ZZEF1: variants seen among roughly 807,000 people sequenced by gnomAD.
ZZEF1 encodes zinc finger ZZ-type and EF-hand domain containing 1.
ZZEF1 carries 157 observed loss-of-function variants against 342.8 expected under a neutral mutation model. The ratio of observed to expected loss-of-function variants is 0.46; its 90% CI spans 0.40 to 0.52. The LOEUF (loss-of-function observed/expected upper bound fraction) is 0.52, where lower values mean the gene tolerates loss of function less well. Among genes scored for constraint, ZZEF1 ranks in the 20% least tolerant of loss-of-function variants. The pLI is 0.00. For missense variants in ZZEF1, 3,480 were observed against 3,725.6 expected, an observed-to-expected ratio of 0.93 and a Z score of 1.72; for synonymous variants, 1,505 against 1,429.1, an observed-to-expected ratio of 1.05 and a Z score of -1.20.
At chr17:4,035,478 G>A (rs781830) in intron 39 of ZZEF1, among the ~76,000 whole-genome samples, 12,481 of 152,134 alleles carry the variant, frequency 0.082, 1,701 homozygotes, top group African/African-American at 0.28. Context: ...AACCCAAGCA[G>A]GGTATGGAAT....
chr17:4,070,649 C>T, intron 26 of ZZEF1, 35 bp downstream of exon 26: 1 of 1,596,926 alleles, frequency 6.3e-7, no homozygotes, highest in Non-Finnish European at 8.5e-7. Flanking sequence ...AGCAATTAGC[C>T]TTCAGATCAA....
chr17:4,135,395 G>C (rs2058731922), intron 1 of ZZEF1, among the ~76,000 whole-genome samples: 2 of 152,062 alleles, frequency 1.3e-5, no homozygotes, highest in Admixed American at 1.3e-4. Context: ...AGAATTCCTT[G>C]AACCTGGGAG....
At chr17:4,057,461 G>A (rs969009423) in intron 32 of ZZEF1, among the ~76,000 whole-genome samples, 2 of 152,186 alleles carry the variant, frequency 1.3e-5, no homozygotes, top group Non-Finnish European at 2.9e-5. Context: ...CCACGAATAG[G>A]GAAGTGGATT....
Position 4,142,675 on chromosome 17 carries a change from G to C in ZZEF1, c.221C>G (p.Ser74Trp), listed in dbSNP as rs769097869. 8.1e-6 allele frequency: 13 copies of C among 1,606,960 alleles called. 1 individual carries two copies. Among genetic ancestry groups the C allele is most frequent in the Middle Eastern group, 1.7e-4 (1 of 6,056 alleles). Residue 74 changes from serine (S) to tryptophan (W), a missense_variant, in exon 1 of 55, where the codon TCG becomes TGG. Coordinates refer to ENST00000381638, the MANE Select transcript of ZZEF1 (RefSeq NM_015113.4). ...GCGAAACAACGCGCCGCGATGCCTC[G>C]ACACCAGCGACTCGCAGGGGGGTGT... ...LPTPPCESLV[S>W]RHRGALFRWL... is the part of the protein sequence containing the mutation.
intron 2 of ZZEF1, among the ~76,000 whole-genome samples, chr17:4,123,477 G>A (rs1044793272): frequency 6.6e-6 from 1 of 151,710 alleles, no homozygotes; most frequent in Non-Finnish European, 1.5e-5. Flanking sequence ...GCAAATGTGA[G>A]GACAGAGCAG....
At chr17:4,120,181 A>AC (rs1219525822) in intron 2 of ZZEF1, among the ~76,000 whole-genome samples, 1 of 151,932 alleles carries the variant, frequency 6.6e-6, no homozygotes, top group Non-Finnish European at 1.5e-5. Flanking sequence ...ACATGATGAA[A>AC]CCCCATCTCC....
chr17:4,072,921 C>T, intron 24 of ZZEF1, 165 bp from the exon 25 acceptor site: 1 of 650,150 alleles, frequency 1.5e-6, no homozygotes, highest in South Asian at 2.5e-5. Flanking sequence ...AAACACATAC[C>T]ACAGATTAAG....
chr17:4,030,221 A>G (rs1430815581), intron 42 of ZZEF1, among the ~76,000 whole-genome samples: 1 of 152,150 alleles, frequency 6.6e-6, no homozygotes, highest in Non-Finnish European at 1.5e-5. Flanking sequence ...TGGCTAGACT[A>G]TCTAGGAAAC....
chr17:4,105,402 A>G (rs1014071084), intron 7 of ZZEF1, among the ~76,000 whole-genome samples: 2 of 152,290 alleles, frequency 1.3e-5, no homozygotes, highest in African/African-American at 4.8e-5. Context: ...TGAGTGAGGG[A>G]AGGCTATGCC....
intron 32 of ZZEF1, among the ~76,000 whole-genome samples, chr17:4,057,104 G>A (rs1489722059): frequency 6.6e-6 from 1 of 152,182 alleles, no homozygotes; most frequent in Non-Finnish European, 1.5e-5. Context: ...TCATACTCAA[G>A]CTTTGCGCTC....
intron 39 of ZZEF1, among the ~76,000 whole-genome samples, chr17:4,041,543 G>A (rs1472525239): frequency 6.6e-6 from 1 of 152,056 alleles, no homozygotes; most frequent in Admixed American, 6.6e-5. Context: ...TGCTAGCTTT[G>A]TCTCTGATTC....
intron 25 of ZZEF1, 120 bp downstream of exon 25, chr17:4,072,488 C>T (rs925851964): frequency 8.7e-6 from 11 of 1,257,848 alleles, no homozygotes; most frequent in Non-Finnish European, 1.2e-5. Flanking sequence ...TTTCTGGCCT[C>T]AAGGAGCTAA....
chr17:4,078,654 G>A (rs2057667710), intron 18 of ZZEF1, among the ~76,000 whole-genome samples: 1 of 152,212 alleles, frequency 6.6e-6, no homozygotes, highest in Admixed American at 6.5e-5. Context: ...GTGGATGGAG[G>A]GAAATGGACT....
At position 4,077,926 on chromosome 17, in the gene ZZEF1, C is replaced by T. The variant is rs773707140; in HGVS notation, c.2946G>A (p.Thr982=). 2.5e-6 allele frequency: 4 copies of T among 1,614,022 alleles called. No homozygotes were observed. The highest frequency in any genetic ancestry group is 2.7e-5 in the African/African-American group (2 of 74,920). ...CGGCAAGATCTTTGGCTCCAGAGTC[C>T]GTGCTCTTCAGCTGCAGGTAGCACC... ...LSWCYLQLKS[T]DSGAKDLAVD... is the part of the protein sequence containing the mutation. Residue 982 remains threonine, a synonymous_variant, in exon 19 of 55, where the codon ACG becomes ACA. Coordinates refer to ENST00000381638, the MANE Select transcript of ZZEF1 (RefSeq NM_015113.4).
chr17:4,082,668 G>C (rs1000639721), intron 16 of ZZEF1, among the ~76,000 whole-genome samples, 164 bp from the exon 17 acceptor site: 3 of 152,314 alleles, frequency 2.0e-5, no homozygotes, highest in South Asian at 2.1e-4. Context: ...CAAGTACTAA[G>C]ATGGAGCAGA....
At chr17:4,134,620 T>C (rs2058719567) in intron 1 of ZZEF1, among the ~76,000 whole-genome samples, 1 of 152,092 alleles carries the variant, frequency 6.6e-6, no homozygotes, top group African/African-American at 2.4e-5. Context: ...ACTTATATTT[T>C]CCACAACAAC....
chr17:4,026,448 A>G (rs2056405104), intron 42 of ZZEF1, among the ~76,000 whole-genome samples: 1 of 152,214 alleles, frequency 6.6e-6, no homozygotes, highest in Non-Finnish European at 1.5e-5. Context: ...AAATGTAGCA[A>G]AAGAAGAATG....
In ZZEF1 at chr17:4,123,389, C is replaced by T. The variant is rs985583283; in HGVS notation, c.499+518G>A. Reference sequence around the variant, plus strand: ...CCACTGGGGGTGCTGGAACATCTCCCGCATGGGTAAGGAGGGAATACTGTA... The same window carrying T: ...CCACTGGGGGTGCTGGAACATCTCCTGCATGGGTAAGGAGGGAATACTGTA... On this transcript the variant is annotated intron_variant, in intron 2 of 54. Transcript: ENST00000381638. Among the ~76,000 whole-genome samples the T allele has an allele frequency of 1.0e-4, 15 of 149,442 alleles. No homozygotes were observed. In the South Asian group the frequency reaches 1.1e-3, roughly 11 times the overall value.
At chr17:4,073,008 T>C (rs2057540273) in intron 24 of ZZEF1, among the ~76,000 whole-genome samples, 1 of 152,238 alleles carries the variant, frequency 6.6e-6, no homozygotes, top group Non-Finnish European at 1.5e-5. Context: ...ATGACTAATC[T>C]GTTTATAGTA....
Sources: gnomAD v4.1 joint callset for allele counts (sites outside exome capture counted in the v4.1 genomes callset) on GRCh38, gnomAD v4.1.1 for gene constraint, MANE v1.5 for transcripts, NCBI Gene and HGNC (gene_info 2026-07-23, HGNC 2026-07-21) for gene names.